Variants in FLT4 observed in about 807,000 individuals in gnomAD.
The protein encoded by FLT4 is vascular endothelial growth factor receptor 3.
A neutral mutation model predicts 163.2 loss-of-function variants in FLT4; 30 were observed. That is an observed-to-expected ratio of 0.18 (90% CI 0.14 to 0.25). The LOEUF (loss-of-function observed/expected upper bound fraction) is 0.25. FLT4 is among the 10% of genes least tolerant of loss of function. The probability of loss-of-function intolerance (pLI) is 1.00; values close to 1 mark genes in which losing one functional copy is unlikely to be tolerated. For synonymous variants in FLT4, 884 were observed against 789.5 expected (o/e 1.12, Z -2.01); for missense variants, 1,510 against 1,863.8 (o/e 0.81, Z 3.50).
In FLT4 at chr5:180,629,377, T is replaced by C. The variant is rs1763902954; in HGVS notation, c.867A>G (p.Thr289=). 3.7e-6 allele frequency: 6 copies of C among 1,612,604 alleles called. No homozygotes were observed. The highest frequency in any genetic ancestry group is 5.1e-6 in the Non-Finnish European group (6 of 1,179,992). Residue 289 remains threonine (T), a synonymous_variant, in exon 7 of 30, where the codon ACA becomes ACG. Transcript: ENST00000261937. ...GGATGGTCAGGATGCTGGAGAGTTC[T>C]GTGTGGGTCTGCTGGGAGCGTCGCT... is the stretch of plus-strand genomic sequence containing the variant. ...VPERRSQQTH[T]ELSSILTIHN...
At chr5:180,643,648 C>A (rs1042176521) in intron 1 of FLT4, among the ~76,000 whole-genome samples, 4 of 152,080 alleles carry the variant, frequency 2.6e-5, no homozygotes, top group African/African-American at 9.7e-5. Flanking sequence ...TCCTTGCCAC[C>A]CACCCGGTGC....
At chr5:180,633,910 C>G (rs1764360732) in intron 1 of FLT4, among the ~76,000 whole-genome samples, 1 of 152,196 alleles carries the variant, frequency 6.6e-6, no homozygotes, top group South Asian at 2.1e-4. Context: ...TCCCGCCACC[C>G]CTACTGAGGT....
At chr5:180,646,452 C>G (rs1158518227) in intron 1 of FLT4, among the ~76,000 whole-genome samples, 2 of 152,216 alleles carry the variant, frequency 1.3e-5, no homozygotes, top group African/African-American at 4.8e-5. Context: ...TGGCCACATT[C>G]ACCATCTGGA....
intron 10 of FLT4, among the ~76,000 whole-genome samples, chr5:180,625,264 T>C (rs1460932040): frequency 6.6e-6 from 1 of 152,228 alleles, no homozygotes; most frequent in Non-Finnish European, 1.5e-5. Flanking sequence ...TCTCACCCCC[T>C]GCTTGTCTAA....
rs34362413 is a variant in FLT4 at position 180,631,050 on chromosome 5, AC to A, written c.156-252del. ...ATCACAGCTGGGAAGGTGGGGAGGT[AC>A]CCATCTCTGGGGCCCCAGTGGGTGC... On this transcript the variant is annotated intron_variant, in intron 2 of 29. Transcript: ENST00000261937. Among the ~76,000 whole-genome samples, 25,852 of 151,800 alleles carry A rather than the reference AC, an allele frequency of 0.17. 2,611 individuals carry two copies. Among genetic ancestry groups the A allele is most frequent in the East Asian group, 0.3 (1,511 of 5,084 alleles).
At chr5:180,644,431 G>A (rs1304222324) in intron 1 of FLT4, among the ~76,000 whole-genome samples, 1 of 152,222 alleles carries the variant, frequency 6.6e-6, no homozygotes, top group Non-Finnish European at 1.5e-5. Context: ...GTTAGAAATT[G>A]AAGAGTCCAC....
At chr5:180,629,484 A>ACC in intron 6 of FLT4, 57 bp from the exon 7 acceptor site, 3 of 1,591,318 alleles carry the variant, frequency 1.9e-6, no homozygotes, top group Non-Finnish European at 1.7e-6. Flanking sequence ...CAGCTACCCC[A>ACC]CCGAAGGCAC....
intron 1 of FLT4, among the ~76,000 whole-genome samples, chr5:180,644,146 C>T (rs545508453): frequency 3.3e-5 from 5 of 152,316 alleles, no homozygotes; most frequent in African/African-American, 9.6e-5. Context: ...AAGACAAGGG[C>T]TTCTGTGTGT....
At chr5:180,619,439 G>T (rs148304691) in intron 18 of FLT4, 73 bp from the exon 19 acceptor site, 7 of 1,033,168 alleles carry the variant, frequency 6.8e-6, no homozygotes, top group Admixed American at 2.2e-5. Flanking sequence ...GGCGCTTTTG[G>T]GAGGGGGAGG....
At chr5:180,648,876 G>A (rs1765611125) in intron 1 of FLT4, among the ~76,000 whole-genome samples, 1 of 152,176 alleles carries the variant, frequency 6.6e-6, no homozygotes, top group South Asian at 2.1e-4. Flanking sequence ...GACAGCCCGC[G>A]ATTCGCCTCC....
At chr5:180,648,664 C>CA in intron 1 of FLT4, among the ~76,000 whole-genome samples, 2 of 152,274 alleles carry the variant, frequency 1.3e-5, no homozygotes, top group South Asian at 4.2e-4. Flanking sequence ...CGCTCATCCC[C>CA]CACAGTCCCT....
intron 20 of FLT4, 42 bp from the exon 21 acceptor site, chr5:180,618,962 G>A (rs776384851): frequency 1.9e-5 from 29 of 1,556,516 alleles, no homozygotes; most frequent in Non-Finnish European, 2.4e-5. Flanking sequence ...CCAGTCGTCC[G>A]CCGCAGAGGC....
At chr5:180,631,474 GAA>G (rs1243281469) in intron 2 of FLT4, among the ~76,000 whole-genome samples, 1 of 147,334 alleles carries the variant, frequency 6.8e-6, no homozygotes, top group Non-Finnish European at 1.5e-5. Flanking sequence ...CTCCATCTCA[GAA>G]AAAAAAAAAG....
chr5:180,644,086 G>A (rs1361031223), intron 1 of FLT4, among the ~76,000 whole-genome samples: 2 of 152,166 alleles, frequency 1.3e-5, no homozygotes, highest in Non-Finnish European at 2.9e-5. Flanking sequence ...CGAAGTGCTG[G>A]GATTACAGGC....
intron 1 of FLT4, among the ~76,000 whole-genome samples, chr5:180,645,949 G>A (rs1215472138): frequency 6.6e-6 from 1 of 152,182 alleles, no homozygotes; most frequent in Admixed American, 6.5e-5. Context: ...AGGGACGTGG[G>A]GCACAGGCTA....
chr5:180,628,915 T>A lies in FLT4; in HGVS notation c.1070A>T (p.Lys357Met), dbSNP rs1167847494. 1.9e-6 allele frequency: 3 copies of A among 1,612,494 alleles called. No homozygotes were observed. In the Admixed American group the frequency reaches 5.0e-5, roughly 27 times the overall value. The change falls in exon 8 of 30, where the codon AAG becomes ATG. Residue 357 changes from lysine (K) to methionine (M), a missense_variant. Physicochemically the swap from Lys to Met is moderately conservative, Grantham distance 95. Around this residue, in one of 5 missense-constraint regions of FLT4, gnomAD observed 878 missense variants for 1,016.7 expected, o/e 0.86. Transcript: ENST00000261937. ...CTCGGGCGGGGGGTACGCTGCCAGC[T>A]TCACGGGCAGCTTCACCAGCTCGTC... ...AGDELVKLPV[K>M]LAAYPPPEFQ...
rs188142955 is a variant in FLT4, at chr5:180,608,842, G to A, written c.3893+126C>T. The A allele has an allele frequency of 1.2e-3, 1,027 of 844,086 alleles. 9 individuals carry two copies. In the African/African-American group the frequency reaches 0.015, roughly 12 times the overall value. 52.3% of individuals were successfully genotyped at this position (844,086 alleles called of 1,614,324 possible). A position where few individuals can be genotyped will look rare whatever the true frequency, so the allele number is the denominator to read the frequency against. Reference sequence around the variant, plus strand: ...CTCAGGCAGCTCACCTTGAACGCGCGAAAAGGCCATAGGGAGCCACGAAAG... The same window carrying A: ...CTCAGGCAGCTCACCTTGAACGCGCAAAAAGGCCATAGGGAGCCACGAAAG... On this transcript the variant is annotated intron_variant, in intron 29 of 29. Coordinates refer to ENST00000261937, the MANE Select transcript of FLT4 (RefSeq NM_182925.5).
Position 180,628,911 on chromosome 5 carries a change from C to T in FLT4, c.1074G>A (p.Leu358=), listed in dbSNP as rs1211965923. The T allele has an allele frequency of 1.9e-6, 3 of 1,612,466 alleles. No individual in the cohort carries two copies. Among genetic ancestry groups the T allele is most frequent in the Non-Finnish European group, 2.5e-6 (3 of 1,179,862 alleles). Residue 358 remains leucine (L), a synonymous_variant, in exon 8 of 30, where the codon CTG becomes CTA. Coordinates refer to ENST00000261937, the MANE Select transcript of FLT4 (RefSeq NM_182925.5). ...GGAACTCGGGCGGGGGGTACGCTGC[C>T]AGCTTCACGGGCAGCTTCACCAGCT... ...GDELVKLPVK[L]AAYPPPEFQW...
chr5:180,632,136 C>G (rs1764225081), intron 1 of FLT4, among the ~76,000 whole-genome samples: 1 of 152,134 alleles, frequency 6.6e-6, no homozygotes, highest in Non-Finnish European at 1.5e-5. Flanking sequence ...CACATCACGG[C>G]CCCTGCAGTG....
Sources: gnomAD v4.1 joint callset for allele counts (sites outside exome capture counted in the v4.1 genomes callset) on GRCh38, gnomAD v4.1.1 for gene constraint, gnomAD v4.1.1 regional missense constraint, MANE v1.5 for transcripts, NCBI Gene and HGNC (gene_info 2026-07-23, HGNC 2026-07-21) for gene names.